Variants in PXDNL observed in about 807,000 individuals in gnomAD.
The protein encoded by PXDNL is probable oxidoreductase PXDNL.
A neutral mutation model predicts 150.8 loss-of-function variants in PXDNL; 145 were observed. The observed-to-expected ratio is 0.96, with a 90% CI of 0.84 to 1.10. The LOEUF is 1.10. Among genes scored for constraint, PXDNL ranks in the 50% least tolerant of loss-of-function variants. The pLI, the probability that PXDNL is intolerant of heterozygous loss-of-function variation, is 0.00. For synonymous variants in PXDNL, 757 were observed against 725.7 expected, an observed-to-expected ratio of 1.04 and a Z score of -0.69; for missense variants, 2,087 against 1,873.9, an observed-to-expected ratio of 1.11 and a Z score of -2.10.
intron 12 of PXDNL, among the ~76,000 whole-genome samples, chr8:51,432,094 T>C (rs935498180): frequency 6.6e-6 from 1 of 152,226 alleles, no homozygotes; most frequent in Non-Finnish European, 1.5e-5. Context: ...TTACTTCTTA[T>C]TGAAAAAGAG....
intron 8 of PXDNL, among the ~76,000 whole-genome samples, chr8:51,461,031 T>A (rs930233827): frequency 6.6e-6 from 1 of 152,048 alleles, no homozygotes; most frequent in Non-Finnish European, 1.5e-5. Context: ...GCATGCACAC[T>A]ACACAGCCTC....
intron 6 of PXDNL, among the ~76,000 whole-genome samples, chr8:51,480,773 C>A (rs1160840914): frequency 1.3e-5 from 2 of 152,136 alleles, no homozygotes; most frequent in Admixed American, 6.5e-5. Context: ...AATGGGAGTT[C>A]CCCTGCGCAG....
chr8:51,416,362 A>C (rs942691099), intron 14 of PXDNL, among the ~76,000 whole-genome samples: 29 of 152,230 alleles, frequency 1.9e-4, no homozygotes, highest in Admixed American at 2.0e-4. Context: ...TAATATGTGA[A>C]TGTGAATTGG....
At chr8:51,585,609 T>G (rs1048149220) in intron 3 of PXDNL, among the ~76,000 whole-genome samples, 3 of 152,128 alleles carry the variant, frequency 2.0e-5, no homozygotes, top group Non-Finnish European at 2.9e-5. Flanking sequence ...GTGGTAGGAA[T>G]GAAGGCTGGT....
chr8:51,400,012 T>C (rs1033163158), intron 17 of PXDNL, among the ~76,000 whole-genome samples: 4 of 152,206 alleles, frequency 2.6e-5, no homozygotes, highest in Non-Finnish European at 5.9e-5. Context: ...TAATCTATCA[T>C]AGTACTAAAC....
chr8:51,722,534 A>G (rs1446608873), intron 1 of PXDNL, among the ~76,000 whole-genome samples: 2 of 152,162 alleles, frequency 1.3e-5, no homozygotes, highest in Non-Finnish European at 2.9e-5. Flanking sequence ...ACACAGACTC[A>G]GGGATGAATG....
chr8:51,784,624 C>A (rs1439867954), intron 1 of PXDNL, among the ~76,000 whole-genome samples: 1 of 152,116 alleles, frequency 6.6e-6, no homozygotes. Context: ...GAAACAAGTG[C>A]AACATGCTTC....
At chr8:51,513,386 G>A (rs1020138255) in intron 4 of PXDNL, among the ~76,000 whole-genome samples, 2 of 152,204 alleles carry the variant, frequency 1.3e-5, no homozygotes, top group African/African-American at 2.4e-5. Flanking sequence ...GCATGAAGGT[G>A]GTGGGCCCAC....
At chr8:51,547,584 A>C (rs1278946175) in intron 4 of PXDNL, among the ~76,000 whole-genome samples, 2 of 152,154 alleles carry the variant, frequency 1.3e-5, no homozygotes, top group Non-Finnish European at 2.9e-5. Flanking sequence ...TAGACCCAGA[A>C]GGGCAATAAT....
At chr8:51,807,114 C>A (rs1256119083) in intron 1 of PXDNL, among the ~76,000 whole-genome samples, 1 of 152,162 alleles carries the variant, frequency 6.6e-6, no homozygotes, top group Non-Finnish European at 1.5e-5. Context: ...TCTGTTTTCA[C>A]ACACTGTGAT....
At chr8:51,699,889 T>C (rs1374659840) in intron 1 of PXDNL, among the ~76,000 whole-genome samples, 1 of 152,120 alleles carries the variant, frequency 6.6e-6, no homozygotes. Flanking sequence ...CCATCCTATA[T>C]GGACATGGTT....
At chr8:51,336,494 TACTC>T (rs1243934381) in intron 21 of PXDNL, among the ~76,000 whole-genome samples, 2 of 152,218 alleles carry the variant, frequency 1.3e-5, no homozygotes, top group African/African-American at 4.8e-5. Context: ...ATTTCACAAA[TACTC>T]AGGGCTTGTC....
intron 17 of PXDNL, among the ~76,000 whole-genome samples, chr8:51,405,348 G>A (rs2977018): frequency 0.56 from 85,024 of 152,016 alleles, 27,683 homozygotes; most frequent in Non-Finnish European, 0.71. Context: ...TCTCAATGAG[G>A]GTGAAGTCCT....
intron 1 of PXDNL, among the ~76,000 whole-genome samples, chr8:51,750,142 C>T (rs188728818): frequency 8.5e-5 from 13 of 152,176 alleles, no homozygotes; most frequent in Non-Finnish European, 1.6e-4. Context: ...ATACATTGTA[C>T]AGCTGTACAA....
chr8:51,488,824 A>AT (rs1379903835), intron 5 of PXDNL, among the ~76,000 whole-genome samples: 1 of 152,158 alleles, frequency 6.6e-6, no homozygotes, highest in African/African-American at 2.4e-5. Context: ...AAAGGCCAAG[A>AT]TTTTCAAAAA....
intron 1 of PXDNL, among the ~76,000 whole-genome samples, chr8:51,754,565 G>A (rs1477216842): frequency 2.0e-5 from 3 of 151,982 alleles, no homozygotes; most frequent in Non-Finnish European, 2.9e-5. Flanking sequence ...GTCCAATGGC[G>A]CGATCTCAGC....
chr8:51,419,725 T>C (rs1808896483), intron 14 of PXDNL, among the ~76,000 whole-genome samples: 1 of 152,196 alleles, frequency 6.6e-6, no homozygotes, highest in Non-Finnish European at 1.5e-5. Context: ...CAGTAAGTTA[T>C]TATTAAATAT....
At chr8:51,620,958 G>A (rs745930107) in intron 2 of PXDNL, among the ~76,000 whole-genome samples, 1 of 152,166 alleles carries the variant, frequency 6.6e-6, no homozygotes, top group Non-Finnish European at 1.5e-5. Flanking sequence ...ACAGATATGA[G>A]AATTAGATTG....
At chr8:51,340,346 G>T (rs1201479960) in intron 20 of PXDNL, among the ~76,000 whole-genome samples, 1 of 152,148 alleles carries the variant, frequency 6.6e-6, no homozygotes, top group Admixed American at 6.5e-5. Flanking sequence ...TCAAAAAACA[G>T]AAGCAAATAA....
Sources: gnomAD v4.1 joint callset for allele counts (sites outside exome capture counted in the v4.1 genomes callset) on GRCh38, gnomAD v4.1.1 for gene constraint, MANE v1.5 for transcripts, NCBI Gene and HGNC (gene_info 2026-07-23, HGNC 2026-07-21) for gene names.